Variants in TAMM41 observed in about 807,000 individuals in gnomAD.
The protein encoded by TAMM41 is TAM41 mitochondrial translocator assembly and maintenance homolog, also known as phosphatidate cytidylyltransferase, mitochondrial.
Under a neutral mutation model 44.1 loss-of-function variants are expected in TAMM41, and 36 were observed. That is an observed-to-expected ratio of 0.82 (90% CI 0.63 to 1.08). The LOEUF (loss-of-function observed/expected upper bound fraction) is 1.08, where lower values mean the gene tolerates loss of function less well. TAMM41 is among the 50% of genes least tolerant of loss of function. The pLI, the probability that TAMM41 is intolerant of heterozygous loss-of-function variation, is 0.00. For synonymous variants in TAMM41, 164 were observed against 153.1 expected, an observed-to-expected ratio of 1.07 and a Z score of -0.53; for missense variants, 417 against 404.3, an observed-to-expected ratio of 1.03 and a Z score of -0.27.
the TAMM41 span, among the ~76,000 whole-genome samples, chr3:11,775,588 T>C: frequency 3.9e-5 from 6 of 152,226 alleles, no homozygotes; most frequent in Non-Finnish European, 8.8e-5. Flanking sequence ...TCAGATACAA[T>C]CATTATTTAC....
At chr3:11,776,899 T>C in the TAMM41 span, among the ~76,000 whole-genome samples, 1 of 152,062 alleles carries the variant, frequency 6.6e-6, no homozygotes, top group South Asian at 2.1e-4. Context: ...ATAAACCAGA[T>C]ATGGAAAGAC....
chr3:11,846,574 G>C lies in TAMM41; in HGVS notation c.63C>G (p.Pro21=), dbSNP rs776583164. The C allele has an allele frequency of 1.2e-6, 2 of 1,614,112 alleles. No homozygotes were observed. The highest frequency in any genetic ancestry group is 1.3e-5 in the African/African-American group (1 of 74,948). The change falls in exon 1 of 8, where the codon CCC becomes CCG. Residue 21 remains proline, a synonymous_variant. Transcript: ENST00000455809. ...VTFRKILSHF[P]EELSLAFVYG... is the part of the protein sequence containing the mutation. ...AGACGAAAGCCAGACTCAGCTCCTCGGGGAAGTGAGACAGGATCTTGCGGA... is the reference window on the plus strand; with the variant it reads ...AGACGAAAGCCAGACTCAGCTCCTCCGGGAAGTGAGACAGGATCTTGCGGA...
intron 7 of TAMM41, among the ~76,000 whole-genome samples, chr3:11,801,016 T>G (rs982137352): frequency 6.7e-6 from 1 of 150,126 alleles, no homozygotes; most frequent in African/African-American, 2.5e-5. Context: ...TGCTTAACCT[T>G]AGGAGGTCAA....
At chr3:11,844,558 A>G (rs1345485136) in intron 1 of TAMM41, among the ~76,000 whole-genome samples, 1 of 152,220 alleles carries the variant, frequency 6.6e-6, no homozygotes, top group Non-Finnish European at 1.5e-5. Context: ...TCTTTGCCCA[A>G]GGACACAGAG....
chr3:11,837,578 T>C (rs765423578), intron 3 of TAMM41, among the ~76,000 whole-genome samples: 2 of 151,354 alleles, frequency 1.3e-5, no homozygotes, highest in Non-Finnish European at 2.9e-5. Flanking sequence ...GCTAAGACAA[T>C]AGAGAAAGCA....
At chr3:11,818,148 A>C (rs993023967) in intron 4 of TAMM41, among the ~76,000 whole-genome samples, 5 of 152,208 alleles carry the variant, frequency 3.3e-5, no homozygotes, top group African/African-American at 4.8e-5. Flanking sequence ...GCGTGGTGAA[A>C]GCAATGTGGC....
At chr3:11,844,674 T>A (rs1173132985) in intron 1 of TAMM41, among the ~76,000 whole-genome samples, 1 of 152,242 alleles carries the variant, frequency 6.6e-6, no homozygotes, top group Non-Finnish European at 1.5e-5. Context: ...GCTTTTCTTC[T>A]GGATCAAATT....
At chr3:11,725,131 TCTC>T in the TAMM41 span, among the ~76,000 whole-genome samples, 6 of 141,308 alleles carry the variant, frequency 4.2e-5, no homozygotes, top group Non-Finnish European at 7.7e-5. Flanking sequence ...CCCCTCCTCT[TCTC>T]CTCTCTCCTC....
intron 7 of TAMM41, among the ~76,000 whole-genome samples, chr3:11,802,688 C>T (rs934670605): frequency 1.3e-5 from 2 of 152,194 alleles, no homozygotes; most frequent in African/African-American, 4.8e-5. Flanking sequence ...TTCTCCCTAA[C>T]TCATTCTATG....
chr3:11,813,991 TACACACACAC>T (rs35804902), intron 5 of TAMM41, among the ~76,000 whole-genome samples: 19 of 145,946 alleles, frequency 1.3e-4, no homozygotes, highest in South Asian at 2.2e-4. Flanking sequence ...CACCTGTGTA[TACACACACAC>T]ACACACACAC....
At chr3:11,725,137 CTCTCCTCT>C in the TAMM41 span, among the ~76,000 whole-genome samples, 1 of 131,698 alleles carries the variant, frequency 7.6e-6, no homozygotes, top group Non-Finnish European at 1.6e-5. Context: ...CTCTTCTCCT[CTCTCCTCT>C]TCTCCTTCCT....
chr3:11,798,017 G>A (rs2077651943), intron 7 of TAMM41, among the ~76,000 whole-genome samples: 1 of 152,100 alleles, frequency 6.6e-6, no homozygotes, highest in African/African-American at 2.4e-5. Flanking sequence ...GTGAGGTTGT[G>A]GAGAAAAAGG....
At chr3:11,769,241 C>T in the TAMM41 span, among the ~76,000 whole-genome samples, 5 of 152,180 alleles carry the variant, frequency 3.3e-5, no homozygotes, top group Admixed American at 6.6e-5. Context: ...AGGTGTGTGC[C>T]ACCACGCACA....
At chr3:11,764,783 C>T in the TAMM41 span, among the ~76,000 whole-genome samples, 1 of 152,244 alleles carries the variant, frequency 6.6e-6, no homozygotes, top group East Asian at 1.9e-4. Flanking sequence ...TGAGCCACTG[C>T]ACCCGGCCCA....
the TAMM41 span, among the ~76,000 whole-genome samples, chr3:11,726,893 C>G: frequency 6.6e-6 from 1 of 151,674 alleles, no homozygotes; most frequent in East Asian, 1.9e-4. Context: ...CGCTAAAAAT[C>G]CCATCTAGTA....
chr3:11,796,546 G>A (rs1332088397), intron 7 of TAMM41, among the ~76,000 whole-genome samples: 2 of 152,154 alleles, frequency 1.3e-5, no homozygotes, highest in East Asian at 3.8e-4. Flanking sequence ...TCCCATTTAT[G>A]AGTAGGAGGT....
chr3:11,814,642 T>C lies in TAMM41; in HGVS notation c.708+2550A>G, dbSNP rs755398643. The stretch of plus-strand genomic sequence containing the variant: ...AAATAATAAAAAAAATTCCTTAGAA[T>C]TGAAGCTTATAAAATTCCAGATAGA... On this transcript the variant is annotated intron_variant, in intron 5 of 7. Coordinates refer to ENST00000455809, the MANE Select transcript of TAMM41 (RefSeq NM_001284401.2). Among the ~76,000 whole-genome samples the C allele has an allele frequency of 2.0e-4, 31 of 152,164 alleles. 1 individual carries two copies. The highest frequency in any genetic ancestry group is 4.6e-4 in the Admixed American group (7 of 15,268).
At chr3:11,820,241 G>A (rs575802738) in intron 4 of TAMM41, among the ~76,000 whole-genome samples, 31 of 152,264 alleles carry the variant, frequency 2.0e-4, no homozygotes, top group African/African-American at 7.5e-4. Flanking sequence ...ACTCTAACAA[G>A]GCTGGCCCTG....
At chr3:11,843,090 G>C (rs918065118) in intron 2 of TAMM41, among the ~76,000 whole-genome samples, 2 of 152,200 alleles carry the variant, frequency 1.3e-5, no homozygotes, top group East Asian at 3.9e-4. Flanking sequence ...CTGGCACCAA[G>C]AGGTTCCCGT....
Sources: gnomAD v4.1 joint callset for allele counts (sites outside exome capture counted in the v4.1 genomes callset) on GRCh38, gnomAD v4.1.1 for gene constraint, MANE v1.5 for transcripts, NCBI Gene and HGNC (gene_info 2026-07-23, HGNC 2026-07-21) for gene names.